BOLL: variants seen among roughly 807,000 people sequenced by gnomAD.
The protein encoded by BOLL is protein boule-like.
BOLL carries 23 observed loss-of-function variants against 44.4 expected under a neutral mutation model. The ratio of observed to expected loss-of-function variants is 0.52; its 90% CI spans 0.37 to 0.73. The LOEUF is 0.73. Ranked by LOEUF, BOLL falls within the 30% of genes least tolerant of loss-of-function variation. BOLL has a pLI of 0.00. For missense variants in BOLL, 287 were observed against 338.3 expected (o/e 0.85, Z 1.19); for synonymous variants, 97 against 110.8 (o/e 0.88, Z 0.78).
intron 7 of BOLL, among the ~76,000 whole-genome samples, chr2:197,758,492 G>T (rs1688614029): frequency 6.6e-6 from 1 of 152,150 alleles, no homozygotes; most frequent in Non-Finnish European, 1.5e-5. Context: ...TAGATTACTG[G>T]TTGCCTAGCA....
intron 10 of BOLL, among the ~76,000 whole-genome samples, chr2:197,736,703 G>C (rs1454286699): frequency 6.6e-6 from 1 of 152,120 alleles, no homozygotes; most frequent in African/African-American, 2.4e-5. Flanking sequence ...TGCATGGGTT[G>C]CTTCTCATTA....
intron 10 of BOLL, among the ~76,000 whole-genome samples, chr2:197,741,203 C>T (rs374608002): frequency 1.4e-4 from 22 of 152,194 alleles, no homozygotes; most frequent in East Asian, 3.9e-4. Flanking sequence ...TCACATCCCT[C>T]GTAAGTTGGA....
intron 4 of BOLL, among the ~76,000 whole-genome samples, chr2:197,776,251 G>A (rs1199826239): frequency 1.3e-5 from 2 of 151,660 alleles, no homozygotes; most frequent in Non-Finnish European, 2.9e-5. Flanking sequence ...GTGTATTGTT[G>A]AAGTGCTGGC....
At chr2:197,745,240 T>G (rs1374035318) in intron 9 of BOLL, among the ~76,000 whole-genome samples, 2 of 152,128 alleles carry the variant, frequency 1.3e-5, no homozygotes, top group East Asian at 3.8e-4. Context: ...GGTCACTTTT[T>G]TTTTTAAAAA....
intron 9 of BOLL, among the ~76,000 whole-genome samples, chr2:197,745,230 G>A (rs1038296443): frequency 1.3e-5 from 2 of 151,778 alleles, no homozygotes; most frequent in South Asian, 2.1e-4. Context: ...GAGTGAAGAC[G>A]GTCACTTTTT....
At chr2:197,765,324 C>G (rs1688943120) in intron 7 of BOLL, among the ~76,000 whole-genome samples, 1 of 151,570 alleles carries the variant, frequency 6.6e-6, no homozygotes, top group Non-Finnish European at 1.5e-5. Context: ...CCCCACAAAC[C>G]TATGGAAATA....
At chr2:197,780,589 A>C (rs1689723349) in intron 2 of BOLL, among the ~76,000 whole-genome samples, 1 of 152,080 alleles carries the variant, frequency 6.6e-6, no homozygotes, top group South Asian at 2.1e-4. Context: ...ATATTTTATA[A>C]GAAATAATTT....
chr2:197,729,354 A>C lies in BOLL; in HGVS notation c.829-776T>G, dbSNP rs547162850. The stretch of plus-strand genomic sequence containing the variant: ...CGCTGATTGCTAGCACAGCAGTCTG[A>C]GCTCTAACTGCAAGGCGGCAGCGAG... On this transcript the variant is annotated intron_variant, in intron 10 of 10. Transcript: ENST00000392296. Among the ~76,000 whole-genome samples, 6 of 152,256 alleles carry C rather than the reference A, an allele frequency of 3.9e-5. No individual in the cohort carries two copies. In the South Asian group the frequency reaches 1.0e-3, roughly 26 times the overall value.
chr2:197,753,849 C>T, intron 9 of BOLL, among the ~76,000 whole-genome samples: 1 of 152,120 alleles, frequency 6.6e-6, no homozygotes, highest in Non-Finnish European at 1.5e-5. Flanking sequence ...ATGTTTATTG[C>T]AGCACTATTT....
intron 10 of BOLL, among the ~76,000 whole-genome samples, chr2:197,733,427 C>T (rs1177469434): frequency 2.7e-5 from 4 of 150,828 alleles, no homozygotes; most frequent in South Asian, 2.1e-4. Flanking sequence ...CATCAAGCTA[C>T]CAATGACTTT....
In BOLL at chr2:197,728,542, C is replaced by G; in HGVS notation, c.*13G>C. Reference sequence around the variant, plus strand: ...AGAAATCAGTTGAGCTGGAATAGAGCTGCCCAATTGTCTTAATAATGAATG... The same window carrying G: ...AGAAATCAGTTGAGCTGGAATAGAGGTGCCCAATTGTCTTAATAATGAATG... On this transcript the variant is annotated 3_prime_UTR_variant, in exon 11 of 11. Transcript: ENST00000392296. 2 of 1,613,830 alleles carry G rather than the reference C, an allele frequency of 1.2e-6. No individual in the cohort carries two copies. Among genetic ancestry groups the G allele is most frequent in the Non-Finnish European group, 8.5e-7 (1 of 1,179,808 alleles).
At chr2:197,731,719 G>A (rs1011115894) in intron 10 of BOLL, among the ~76,000 whole-genome samples, 6 of 151,824 alleles carry the variant, frequency 4.0e-5, no homozygotes, top group Non-Finnish European at 7.4e-5. Flanking sequence ...TGACTACTGG[G>A]TACATAACAA....
At chr2:197,759,486 G>C (rs772689252) in intron 7 of BOLL, among the ~76,000 whole-genome samples, 4 of 152,094 alleles carry the variant, frequency 2.6e-5, no homozygotes, top group Non-Finnish European at 5.9e-5. Context: ...GAGCGAAGCT[G>C]CTACAGCGTG....
Position 197,757,418 on chromosome 2 carries a change from A to G in BOLL, c.553-18T>C. ...GTGGTGGCCTAAAATTAAATAAAAG[A>G]AAAGAAAAACCCATTCTGATTATAA... is the stretch of plus-strand genomic sequence containing the variant. On this transcript the variant is annotated intron_variant, in intron 7 of 10. Transcript: ENST00000392296. 6.2e-7 allele frequency: 1 copy of G among 1,603,490 alleles called. No homozygotes were observed. Among genetic ancestry groups the G allele is most frequent in the Non-Finnish European group, 8.5e-7 (1 of 1,175,566 alleles).
chr2:197,731,939 G>C (rs1399237306), intron 10 of BOLL, among the ~76,000 whole-genome samples: 1 of 150,792 alleles, frequency 6.6e-6, no homozygotes, highest in African/African-American at 2.5e-5. Flanking sequence ...TCAAAAGCTA[G>C]CAGAAGGCAA....
intron 9 of BOLL, among the ~76,000 whole-genome samples, chr2:197,754,543 A>G (rs188081865): frequency 8.5e-4 from 130 of 152,214 alleles, no homozygotes; most frequent in African/African-American, 3.0e-3. Context: ...CCCCGTCTCT[A>G]CTAAAAATAT....
rs775621268 is a variant in BOLL, at chr2:197,743,027, AAAAC to A, written c.828+30_828+33del. Reference sequence around the variant, plus strand: ...GGAAAACTTGAAATATGATGGAAGAAAAACAAAGTAAAAAGTCAAAACAAATTTC... The same window carrying A: ...GGAAAACTTGAAATATGATGGAAGAAAAAGTAAAAAGTCAAAACAAATTTC... On this transcript the variant is annotated intron_variant, in intron 10 of 10. Transcript: ENST00000392296. The A allele has an allele frequency of 1.2e-5, 18 of 1,485,728 alleles. No homozygotes were observed. In the South Asian group the frequency reaches 1.3e-4, roughly 11 times the overall value. 92.0% of individuals were successfully genotyped at this position (1,485,728 alleles called of 1,614,324 possible). A position where few individuals can be genotyped will look rare whatever the true frequency, so the allele number is the denominator to read the frequency against.
chr2:197,771,726 G>T, intron 6 of BOLL, 129 bp downstream of exon 6: 1 of 1,093,920 alleles, frequency 9.1e-7, no homozygotes, highest in Non-Finnish European at 1.2e-6. Context: ...AAATGTTGAT[G>T]TCTATTTAAT....
At chr2:197,754,593 A>C (rs555256765) in intron 9 of BOLL, among the ~76,000 whole-genome samples, 55 of 152,302 alleles carry the variant, frequency 3.6e-4, no homozygotes, top group African/African-American at 1.3e-3. Flanking sequence ...ACGTGCCTGT[A>C]GTCCCAGCTA....
Sources: allele counts gnomAD v4.1 joint callset (sites outside exome capture counted in the v4.1 genomes callset), GRCh38; gene constraint gnomAD v4.1.1; transcripts MANE v1.5; gene names NCBI Gene and HGNC (gene_info 2026-07-23, HGNC 2026-07-21).